The following DCC variants were observed in gnomAD, a reference collection of about 807,000 sequenced individuals.
DCC encodes the protein DCC netrin 1 receptor.
In DCC, 58 loss-of-function variants were observed where a neutral mutation model predicts 172.5. The ratio of observed to expected loss-of-function variants is 0.34; its 90% CI spans 0.27 to 0.42. The LOEUF (loss-of-function observed/expected upper bound fraction) is 0.42. Among genes scored for constraint, DCC ranks in the 10% least tolerant of loss-of-function variants. The pLI is 1.00. For synonymous variants in DCC, 709 were observed against 644.5 expected (o/e 1.10, Z -1.52); for missense variants, 1,740 against 1,791.0 (o/e 0.97, Z 0.51).
At chr18:52,891,209 G>C (rs1192537998) in intron 2 of DCC, among the ~76,000 whole-genome samples, 2 of 151,994 alleles carry the variant, frequency 1.3e-5, no homozygotes, top group Non-Finnish European at 2.9e-5. Flanking sequence ...TTGTTTTTAA[G>C]CTCCTCTATT....
chr18:53,134,363 AG>A (rs572501603), intron 7 of DCC, among the ~76,000 whole-genome samples: 3 of 152,130 alleles, frequency 2.0e-5, no homozygotes, highest in Non-Finnish European at 4.4e-5. Flanking sequence ...AGGAATTATA[AG>A]CTGAATATGG....
intron 1 of DCC, among the ~76,000 whole-genome samples, chr18:52,644,815 G>GGGAGGGAGGGAGGGAGGGAGGGAA: frequency 2.9e-5 from 4 of 137,426 alleles, no homozygotes; most frequent in Admixed American, 2.9e-4. Flanking sequence ...AAGGAAGGGA[G>GGGAGGGAGGGAGGGAGGGAGGGAA]GGAGGGAGGG....
intron 12 of DCC, among the ~76,000 whole-genome samples, chr18:53,298,298 A>T (rs1425906244): frequency 6.6e-6 from 1 of 151,942 alleles, no homozygotes; most frequent in Non-Finnish European, 1.5e-5. Flanking sequence ...GAACTTTGGG[A>T]GGGTGAGCGG....
chr18:52,962,851 A>G (rs140658615), intron 5 of DCC, among the ~76,000 whole-genome samples: 7,638 of 151,654 alleles, frequency 0.05, 256 homozygotes, highest in South Asian at 0.14. Flanking sequence ...AAACTATCGC[A>G]AGGACAAAAA....
intron 12 of DCC, among the ~76,000 whole-genome samples, chr18:53,293,751 G>C (rs555741525): frequency 1.3e-5 from 2 of 152,282 alleles, no homozygotes; most frequent in East Asian, 1.9e-4. Flanking sequence ...CATCACTAGA[G>C]AGATGTCTGC....
At chr18:52,385,064 G>GC (rs1985737797) in intron 1 of DCC, among the ~76,000 whole-genome samples, 1 of 152,186 alleles carries the variant, frequency 6.6e-6, no homozygotes, top group East Asian at 1.9e-4. Flanking sequence ...AAGCTCAGAT[G>GC]CCTTCTAGGG....
intron 3 of DCC, among the ~76,000 whole-genome samples, chr18:52,907,339 TAC>T (rs1477098324): frequency 1.9e-4 from 28 of 150,804 alleles, no homozygotes; most frequent in African/African-American, 2.4e-5. Context: ...TATGGATATA[TAC>T]ATATATCATG....
chr18:52,536,963 C>A (rs2032307669), intron 1 of DCC, among the ~76,000 whole-genome samples: 1 of 152,066 alleles, frequency 6.6e-6, no homozygotes, highest in Non-Finnish European at 1.5e-5. Flanking sequence ...AGACTCAGTG[C>A]AGTGCCTTTT....
At chr18:52,870,135 C>T (rs149176816) in intron 2 of DCC, among the ~76,000 whole-genome samples, 135 of 152,294 alleles carry the variant, frequency 8.9e-4, no homozygotes, top group South Asian at 7.0e-3. Context: ...CCACTGGCTC[C>T]GGGGAGTGCT....
At chr18:52,892,133 G>A (rs192859106) in intron 2 of DCC, among the ~76,000 whole-genome samples, 70 of 152,084 alleles carry the variant, frequency 4.6e-4, no homozygotes, top group African/African-American at 1.6e-3. Context: ...ATTGAACCAC[G>A]CATCTTTTAA....
chr18:53,483,978 GATAGATA>G (rs1157426616), intron 25 of DCC, among the ~76,000 whole-genome samples: 4 of 150,204 alleles, frequency 2.7e-5, no homozygotes, highest in Admixed American at 1.3e-4. Flanking sequence ...TAGATAGATA[GATAGATA>G]GATAGATAGA....
intron 1 of DCC, among the ~76,000 whole-genome samples, chr18:52,513,088 G>A (rs1025942844): frequency 6.6e-6 from 1 of 152,096 alleles, no homozygotes; most frequent in Non-Finnish European, 1.5e-5. Flanking sequence ...AAAACTATAG[G>A]TGGAACAAGA....
At chr18:53,372,206 A>G (rs905115322) in intron 15 of DCC, among the ~76,000 whole-genome samples, 6 of 152,108 alleles carry the variant, frequency 3.9e-5, no homozygotes, top group African/African-American at 1.4e-4. Context: ...GCAAAGACAT[A>G]GAATCAACCT....
intron 2 of DCC, among the ~76,000 whole-genome samples, chr18:52,856,611 G>GC (rs1402844781): frequency 3.0e-4 from 28 of 93,492 alleles, no homozygotes; most frequent in Non-Finnish European, 5.7e-5. Flanking sequence ...GGGCGACAGA[G>GC]CAAGACTCCA....
At chr18:53,431,467 G>A (rs1197927411) in intron 21 of DCC, among the ~76,000 whole-genome samples, 1 of 127,964 alleles carries the variant, frequency 7.8e-6, no homozygotes, top group Non-Finnish European at 1.9e-5. Flanking sequence ...AGTACACTTT[G>A]TTTTTTGTTG....
chr18:52,958,928 A>T (rs959599220), intron 5 of DCC, among the ~76,000 whole-genome samples: 1 of 152,120 alleles, frequency 6.6e-6, no homozygotes, highest in African/African-American at 2.4e-5. Flanking sequence ...ATGGCTTTGA[A>T]TGTGGCCCAG....
At chr18:52,401,088 G>A (rs957338779) in intron 1 of DCC, among the ~76,000 whole-genome samples, 135 of 151,858 alleles carry the variant, frequency 8.9e-4, no homozygotes, top group African/African-American at 3.1e-3. Flanking sequence ...ATGTATCCCA[G>A]AACTTAAAGA....
intron 21 of DCC, among the ~76,000 whole-genome samples, chr18:53,428,950 T>A (rs1270374068): frequency 1.6e-5 from 1 of 62,370 alleles, no homozygotes; most frequent in Admixed American, 2.6e-4. Flanking sequence ...AAATTATATA[T>A]AACATATTAT....
At chr18:52,909,815 A>G (rs1260378979) in intron 3 of DCC, among the ~76,000 whole-genome samples, 1 of 152,192 alleles carries the variant, frequency 6.6e-6, no homozygotes, top group Non-Finnish European at 1.5e-5. Context: ...CTTATAGTCC[A>G]ATGGGAGAAA....
Sources: allele counts gnomAD v4.1 joint callset (sites outside exome capture counted in the v4.1 genomes callset), GRCh38; gene constraint gnomAD v4.1.1; transcripts MANE v1.5; gene names NCBI Gene and HGNC (gene_info 2026-07-23, HGNC 2026-07-21).